Variants in SLC13A5 observed in about 807,000 individuals in gnomAD.
SLC13A5 encodes Na(+)/citrate cotransporter.
SLC13A5 carries 25 observed loss-of-function variants against 56.5 expected under a neutral mutation model. That is an observed-to-expected ratio of 0.44 (90% CI 0.32 to 0.62). The LOEUF (loss-of-function observed/expected upper bound fraction) is 0.62, where lower values mean the gene tolerates loss of function less well. Among genes scored for constraint, SLC13A5 ranks in the 20% least tolerant of loss-of-function variants. SLC13A5 has a pLI of 0.04. For synonymous variants in SLC13A5, 307 were observed against 301.5 expected (o/e 1.02, Z -0.19); for missense variants, 649 against 737.8 (o/e 0.88, Z 1.39).
chr17:6,692,494 C>A lies in SLC13A5; in HGVS notation c.1275+550G>T, dbSNP rs899860456. Among the ~76,000 whole-genome samples the A allele has an allele frequency of 3.9e-5, 6 of 152,198 alleles. No individual in the cohort carries two copies. Among genetic ancestry groups the A allele is most frequent in the South Asian group, 2.1e-4 (1 of 4,834 alleles). ...GGTAGGTAGATGGTTGGTTGGAGGA[C>A]AGCAGCAGCAAGCTAGCTCATCCCT... On this transcript the variant is annotated intron_variant, in intron 9 of 11. Coordinates refer to ENST00000433363, the MANE Select transcript of SLC13A5 (RefSeq NM_177550.5). The surrounding 1 kb of genome is among the most constrained non-coding windows in gnomAD (Gnocchi z 5.5).
chr17:6,709,816 G>A (rs1481885834), intron 1 of SLC13A5, among the ~76,000 whole-genome samples: 1 of 152,196 alleles, frequency 6.6e-6, no homozygotes, highest in Non-Finnish European at 1.5e-5. Flanking sequence ...CCTACTGGGA[G>A]GCAGGGTCCC....
chr17:6,697,442 G>A (rs1040365847), intron 6 of SLC13A5, among the ~76,000 whole-genome samples: 2 of 152,176 alleles, frequency 1.3e-5, no homozygotes, highest in South Asian at 2.1e-4. Context: ...AGAGTCTCTC[G>A]TGCTGAGCAG....
rs1245306382 is a variant in SLC13A5, at chr17:6,686,159, G to A, written c.*48C>T. The stretch of plus-strand genomic sequence containing the variant: ...TGTACAAGGTGTGCCAGAAGGTTCG[G>A]TAGTCCTGAGGAGGGTAAGGGCTGT... On this transcript the variant is annotated 3_prime_UTR_variant, in exon 12 of 12. Coordinates refer to ENST00000433363, the MANE Select transcript of SLC13A5 (RefSeq NM_177550.5). 2 of 1,612,104 alleles carry A rather than the reference G, an allele frequency of 1.2e-6. No individual in the cohort carries two copies. The highest frequency in any genetic ancestry group is 1.7e-6 in the Non-Finnish European group (2 of 1,178,694).
At chr17:6,703,179 G>T in intron 4 of SLC13A5, 41 bp from the exon 5 acceptor site, 2 of 1,610,038 alleles carry the variant, frequency 1.2e-6, no homozygotes, top group Non-Finnish European at 1.7e-6. Context: ...CAGTCATGGG[G>T]GCTGCCCACC....
chr17:6,686,559 G>T (rs992213677), intron 11 of SLC13A5: 3 of 538,270 alleles, frequency 5.6e-6, no homozygotes, highest in Non-Finnish European at 1.0e-5. Flanking sequence ...GGTTCTCTAT[G>T]CCCGTGCGCA....
At position 6,692,150 on chromosome 17, in the gene SLC13A5, T is replaced by A. The variant is rs979734501; in HGVS notation, c.1275+894A>T. On this transcript the variant is annotated intron_variant, in intron 9 of 11. Coordinates refer to ENST00000433363, the MANE Select transcript of SLC13A5 (RefSeq NM_177550.5). This position sits in a 1 kb window ranked among gnomAD's most constrained non-coding sequence, Gnocchi z 5.5. ...ATGGATGGATGGATGGATGGATGGA[T>A]GGATGGATGGATGGATAGATGGGTG... 6.6e-6 allele frequency among the ~76,000 whole-genome samples: 1 copy of A among 150,806 alleles called. No individual in the cohort carries two copies. The highest frequency in any genetic ancestry group is 1.5e-5 in the Non-Finnish European group (1 of 67,670).
Position 6,692,943 on chromosome 17 carries a change from G to A in SLC13A5, c.1275+101C>T. On this transcript the variant is annotated intron_variant, in intron 9 of 11. Coordinates refer to ENST00000433363, the MANE Select transcript of SLC13A5 (RefSeq NM_177550.5). The surrounding 1 kb of genome is among the most constrained non-coding windows in gnomAD (Gnocchi z 5.5). ...AGGAATGTGCGGTTATACGAAGGAT[G>A]CAGGCACAGAAACACACAAGCCCAG... is the stretch of plus-strand genomic sequence containing the variant. The A allele has an allele frequency of 1.1e-6, 1 of 876,806 alleles. No individual in the cohort carries two copies. Among genetic ancestry groups the A allele is most frequent in the Non-Finnish European group, 1.9e-6 (1 of 513,556 alleles). The allele number at this position is 876,806 out of a possible 1,614,324, so 54.3% of individuals were successfully genotyped here. A position where few individuals can be genotyped will look rare whatever the true frequency, so the allele number is the denominator to read the frequency against.
At chr17:6,689,646 A>T (rs1489459289) in intron 10 of SLC13A5, 1 of 152,116 alleles carries the variant, frequency 6.6e-6, no homozygotes. Context: ...TGCTTAGGAG[A>T]AGAGGAGACA....
rs1342339748 is a variant in SLC13A5, at chr17:6,692,869, T to C, written c.1275+175A>G. ...AGGTTACTTTCTGTCTTCCAGGCCC[T>C]GTGTGTGGTGTAGAGTTCCTAGATG... On this transcript the variant is annotated intron_variant, in intron 9 of 11. Coordinates refer to ENST00000433363, the MANE Select transcript of SLC13A5 (RefSeq NM_177550.5). The surrounding 1 kb of genome is among the most constrained non-coding windows in gnomAD (Gnocchi z 5.5). The C allele has an allele frequency of 3.3e-6, 2 of 608,772 alleles. No homozygotes were observed. The highest frequency in any genetic ancestry group is 5.9e-6 in the Non-Finnish European group (2 of 339,886). The allele number at this position is 608,772 out of a possible 1,614,324, so 37.7% of individuals were successfully genotyped here.
intron 1 of SLC13A5, among the ~76,000 whole-genome samples, chr17:6,708,807 C>T (rs1973939557): frequency 6.6e-6 from 1 of 152,156 alleles, no homozygotes; most frequent in Non-Finnish European, 1.5e-5. Context: ...CGCACGCCCA[C>T]GCTCACTCAG....
intron 6 of SLC13A5, among the ~76,000 whole-genome samples, chr17:6,697,315 G>A (rs1192300787): frequency 6.6e-6 from 1 of 152,208 alleles, no homozygotes; most frequent in Non-Finnish European, 1.5e-5. Flanking sequence ...AGGAGCCAGA[G>A]CCTGCATTTG....
In SLC13A5 at chr17:6,701,242, C is replaced by A; in HGVS notation, c.717-116G>T. 7.0e-7 allele frequency: 1 copy of A among 1,431,946 alleles called. No individual in the cohort carries two copies. The highest frequency in any genetic ancestry group is 2.1e-5 in the Admixed American group (1 of 47,644). 88.7% of individuals were successfully genotyped at this position (1,431,946 alleles called of 1,614,324 possible). A position where few individuals can be genotyped will look rare whatever the true frequency, so the allele number is the denominator to read the frequency against. On this transcript the variant is annotated intron_variant, in intron 5 of 11. Transcript: ENST00000433363. This position sits in a 1 kb window ranked among gnomAD's most constrained non-coding sequence, Gnocchi z 4.1. ...GAGAGGCGCGCCTGTGTGGAGGCCA[C>A]ATCCTCCTGAGGTCTAGCCACCAAG... is the stretch of plus-strand genomic sequence containing the variant.
intron 1 of SLC13A5, among the ~76,000 whole-genome samples, chr17:6,710,702 A>G (rs186717227): frequency 2.0e-5 from 3 of 152,104 alleles, no homozygotes; most frequent in African/African-American, 7.2e-5. Context: ...GAAAAGTTCA[A>G]CATTAACAAG....
intron 8 of SLC13A5, 75 bp from the exon 9 acceptor site, chr17:6,693,237 A>G: frequency 1.1e-6 from 1 of 912,178 alleles, no homozygotes; most frequent in Non-Finnish European, 1.6e-6. Flanking sequence ...ACACCAGAGC[A>G]GCATTAGAAG....
intron 1 of SLC13A5, among the ~76,000 whole-genome samples, chr17:6,707,723 T>C (rs1231746386): frequency 6.6e-6 from 1 of 152,188 alleles, no homozygotes; most frequent in Admixed American, 6.5e-5. Context: ...ATAGTGCATG[T>C]TCTCCCTTAT....
chr17:6,690,929 C>T lies in SLC13A5; in HGVS notation c.1287G>A (p.Leu429=). Residue 429 remains leucine, a synonymous_variant, in exon 10 of 12, where the codon CTG becomes CTA. Coordinates refer to ENST00000433363, the MANE Select transcript of SLC13A5 (RefSeq NM_177550.5). ...ALAKGSEASG[L]SVWMGKQMEP... is the part of the protein sequence containing the mutation. ...CCATCTGCTTCCCCATCCACACGGA[C>T]AGCCCCGAGGCCTGGGAAGCACCAG... The T allele has an allele frequency of 1.2e-6, 2 of 1,609,256 alleles. No homozygotes were observed. The highest frequency in any genetic ancestry group is 4.5e-5 in the East Asian group (2 of 44,830).
intron 1 of SLC13A5, among the ~76,000 whole-genome samples, chr17:6,708,980 C>T (rs555115414): frequency 1.9e-4 from 27 of 141,524 alleles, no homozygotes; most frequent in Non-Finnish European, 2.3e-4. Context: ...CTTTCTCTCT[C>T]GCTCTTTTAT....
chr17:6,703,781 G>A, intron 4 of SLC13A5, 97 bp downstream of exon 4: 2 of 1,317,944 alleles, frequency 1.5e-6, no homozygotes, highest in East Asian at 2.4e-5. Context: ...AGGGCTCCGG[G>A]AAGCAGACAG....
chr17:6,695,260 T>C lies in SLC13A5; in HGVS notation c.1055+466A>G, dbSNP rs143047011. 6.6e-4 allele frequency: 105 copies of C among 160,222 alleles called. 1 individual carries two copies. The East Asian group carries it at 0.016, about 24-fold the overall frequency. The allele number at this position is 160,222 out of a possible 1,614,324, so 9.9% of individuals were successfully genotyped here. A position where few individuals can be genotyped will look rare whatever the true frequency, so the allele number is the denominator to read the frequency against. On this transcript the variant is annotated intron_variant, in intron 7 of 11. Transcript: ENST00000433363. Reference sequence around the variant, plus strand: ...AAAATGAGTCATGAAACCAACAGAGTGCTCTCTGAAACCCAGCTCCCAAAA... The same window carrying C: ...AAAATGAGTCATGAAACCAACAGAGCGCTCTCTGAAACCCAGCTCCCAAAA...
Sources: gnomAD v4.1 joint callset for allele counts (sites outside exome capture counted in the v4.1 genomes callset) on GRCh38, gnomAD v4.1.1 for gene constraint, Gnocchi (gnomAD v3.1) non-coding constraint, MANE v1.5 for transcripts, NCBI Gene and HGNC (gene_info 2026-07-23, HGNC 2026-07-21) for gene names.